Variants in GPHN observed in about 807,000 individuals in gnomAD.
GPHN encodes gephyrin.
In GPHN, 17 loss-of-function variants were observed where a neutral mutation model predicts 95.5. The observed-to-expected ratio is 0.18, with a 90% CI of 0.12 to 0.27. GPHN has a LOEUF of 0.27. Ranked by LOEUF, GPHN falls within the 10% of genes least tolerant of loss-of-function variation. GPHN has a pLI of 1.00. For synonymous variants in GPHN, 320 were observed against 322.5 expected (o/e 0.99, Z 0.08); for missense variants, 660 against 978.1 (o/e 0.67, Z 4.34).
chr14:66,831,389 G>A (rs2061571810), intron 4 of GPHN, among the ~76,000 whole-genome samples: 1 of 152,126 alleles, frequency 6.6e-6, no homozygotes, highest in Admixed American at 6.6e-5. Flanking sequence ...TTACAAAGCA[G>A]AATACTAGAA....
intron 12 of GPHN, among the ~76,000 whole-genome samples, chr14:67,094,639 CT>C (rs954845282): frequency 7.2e-5 from 11 of 152,190 alleles, no homozygotes; most frequent in Middle Eastern, 6.8e-3. Context: ...TAGAATTCAT[CT>C]TGAAAAACTG....
intron 13 of GPHN, among the ~76,000 whole-genome samples, chr14:67,102,385 G>A (rs2077759194): frequency 6.6e-6 from 1 of 152,018 alleles, no homozygotes; most frequent in Non-Finnish European, 1.5e-5. Flanking sequence ...GTGGCAGCGG[G>A]CGTGGTGGCT....
intron 3 of GPHN, among the ~76,000 whole-genome samples, chr14:66,784,261 C>T (rs2059699180): frequency 1.3e-5 from 2 of 152,082 alleles, no homozygotes; most frequent in African/African-American, 4.8e-5. Flanking sequence ...ACGGAAGTGG[C>T]ACAACATTTT....
chr14:66,616,875 T>C (rs61437466), intron 1 of GPHN, among the ~76,000 whole-genome samples: 51 of 152,188 alleles, frequency 3.4e-4, no homozygotes, highest in African/African-American at 1.1e-3. Flanking sequence ...GCCCAGCTAA[T>C]TTTTGTATTT....
Position 66,567,340 on chromosome 14 carries a change from G to A in GPHN, c.64+58749G>A, listed in dbSNP as rs150432035. Among the ~76,000 whole-genome samples, 455 of 152,266 alleles carry A rather than the reference G, an allele frequency of 3.0e-3. 3 individuals are homozygous for A. Among genetic ancestry groups the A allele is most frequent in the African/African-American group, 0.011 (437 of 41,552 alleles). ...GTGGCTCTAATGCTAGGCCCTACAA[G>A]TAGATAAGGCTATTTAATACTGAAT... On this transcript the variant is annotated intron_variant, in intron 1 of 22. Coordinates refer to ENST00000478722, the MANE Select transcript of GPHN (RefSeq NM_020806.5).
At chr14:66,961,916 A>G (rs868328004) in intron 8 of GPHN, among the ~76,000 whole-genome samples, 1,576 of 65,874 alleles carry the variant, frequency 0.024, 66 homozygotes, top group Non-Finnish European at 0.028. Flanking sequence ...ATATATATAT[A>G]TATATATATA....
chr14:67,050,634 G>A (rs2075263870), intron 10 of GPHN, among the ~76,000 whole-genome samples: 1 of 152,044 alleles, frequency 6.6e-6, no homozygotes, highest in Admixed American at 6.6e-5. Context: ...CCTGCCAGTA[G>A]ATAACCATAC....
the GPHN span, among the ~76,000 whole-genome samples, chr14:67,573,645 C>T: frequency 3.9e-5 from 6 of 152,166 alleles, no homozygotes; most frequent in South Asian, 2.1e-4. The surrounding 1 kb of genome is among the most constrained non-coding windows in gnomAD (Gnocchi z 4.8). Context: ...TTAGCTATAA[C>T]CAGAATCTAG....
the GPHN span, among the ~76,000 whole-genome samples, chr14:67,519,131 T>C: frequency 6.6e-6 from 1 of 151,330 alleles, no homozygotes; most frequent in South Asian, 2.1e-4. Context: ...AATGGGGGAG[T>C]CTCTTTGCAA....
intron 17 of GPHN, among the ~76,000 whole-genome samples, chr14:67,135,145 A>G (rs1400233015): frequency 6.6e-6 from 1 of 151,652 alleles, no homozygotes; most frequent in Non-Finnish European, 1.5e-5. Flanking sequence ...TTTTTAGTAG[A>G]GACAGGGTTT....
intron 11 of GPHN, among the ~76,000 whole-genome samples, chr14:67,063,723 C>T (rs1411402491): frequency 1.3e-5 from 2 of 152,148 alleles, no homozygotes; most frequent in African/African-American, 4.8e-5. Context: ...CGTGATTTGG[C>T]TCTCCATGTG....
chr14:66,684,395 T>A (rs990067143), intron 2 of GPHN, among the ~76,000 whole-genome samples: 12 of 152,182 alleles, frequency 7.9e-5, no homozygotes, highest in South Asian at 2.1e-4. Context: ...AATAAAACTG[T>A]AATGAGTTTT....
intron 10 of GPHN, among the ~76,000 whole-genome samples, chr14:67,049,430 G>A (rs149750289): frequency 2.6e-4 from 40 of 150,982 alleles, no homozygotes; most frequent in Admixed American, 1.7e-3. Flanking sequence ...GGGTTTCACC[G>A]TGTTAGCCAG....
At chr14:66,651,397 A>G (rs180700172) in intron 1 of GPHN, among the ~76,000 whole-genome samples, 1 of 152,308 alleles carries the variant, frequency 6.6e-6, no homozygotes, top group African/African-American at 2.4e-5. Flanking sequence ...TTCAAGCATT[A>G]GCAGAGATTT....
chr14:67,256,873 T>A, the GPHN span, among the ~76,000 whole-genome samples: 1 of 151,782 alleles, frequency 6.6e-6, no homozygotes, highest in Non-Finnish European at 1.5e-5. Flanking sequence ...ATTAAAAAAA[T>A]ATTGATTCTT....
intron 9 of GPHN, among the ~76,000 whole-genome samples, chr14:67,020,152 T>G (rs2073533068): frequency 6.6e-6 from 1 of 152,204 alleles, no homozygotes. Context: ...TGGTGTGAGA[T>G]TCATGTGTTT....
At chr14:66,672,307 T>C (rs1218638105) in intron 1 of GPHN, among the ~76,000 whole-genome samples, 1 of 152,174 alleles carries the variant, frequency 6.6e-6, no homozygotes, top group Non-Finnish European at 1.5e-5. Flanking sequence ...GCCAACACTA[T>C]AATTTTGTGG....
the GPHN span, among the ~76,000 whole-genome samples, chr14:67,522,105 G>A: frequency 1.9e-4 from 29 of 152,176 alleles, no homozygotes. Flanking sequence ...CCCGGGAGGC[G>A]GAGGTTGCAG....
chr14:67,652,967 T>G, the GPHN span, among the ~76,000 whole-genome samples: 1 of 152,142 alleles, frequency 6.6e-6, no homozygotes, highest in Non-Finnish European at 1.5e-5. Flanking sequence ...TTTTTTTGTA[T>G]TTTTAGTAGA....
Sources: allele counts gnomAD v4.1 joint callset (sites outside exome capture counted in the v4.1 genomes callset), GRCh38; gene constraint gnomAD v4.1.1; non-coding constraint Gnocchi (gnomAD v3.1); transcripts MANE v1.5; gene names NCBI Gene and HGNC (gene_info 2026-07-23, HGNC 2026-07-21).